Variants in SH3RF2 observed in about 807,000 individuals in gnomAD.
SH3RF2 encodes E3 ubiquitin-protein ligase SH3RF2.
Under a neutral mutation model 59.0 loss-of-function variants are expected in SH3RF2, and 43 were observed. That is an observed-to-expected ratio of 0.73 (90% confidence interval 0.57 to 0.94). The LOEUF is 0.94. SH3RF2 is among the 40% of genes least tolerant of loss of function. SH3RF2 has a pLI of 0.00. For synonymous variants in SH3RF2, 391 were observed against 391.5 expected (o/e 1.00, Z 0.01); for missense variants, 930 against 940.1 (o/e 0.99, Z 0.14).
At chr5:145,988,292 G>A (rs1759794990) in intron 2 of SH3RF2, among the ~76,000 whole-genome samples, 2 of 151,412 alleles carry the variant, frequency 1.3e-5, no homozygotes, top group African/African-American at 4.9e-5. Context: ...CCCACCATAA[G>A]TCACATTGTT....
intron 5 of SH3RF2, among the ~76,000 whole-genome samples, chr5:146,031,314 C>G (rs931838293): frequency 4.6e-5 from 7 of 152,168 alleles, no homozygotes. Flanking sequence ...CCAGTTGAGC[C>G]TGGCATGAAG....
intron 2 of SH3RF2, among the ~76,000 whole-genome samples, chr5:145,941,796 A>G (rs142954516): frequency 7.0e-4 from 107 of 152,290 alleles, no homozygotes; most frequent in African/African-American, 2.5e-3. Context: ...TAATGGTAGT[A>G]CCTACCTCAG....
intron 9 of SH3RF2, among the ~76,000 whole-genome samples, chr5:146,071,767 T>C (rs1347210343): frequency 6.6e-6 from 1 of 152,178 alleles, no homozygotes. Context: ...CTTGGAAAAG[T>C]GACACAACCC....
Position 145,980,780 on chromosome 5 carries a change from C to A in SH3RF2, c.379-19278C>A, listed in dbSNP as rs184893494. Among the ~76,000 whole-genome samples, 945 of 152,218 alleles carry A rather than the reference C, an allele frequency of 6.2e-3. 12 individuals carry two copies. Among genetic ancestry groups the A allele is most frequent in the Non-Finnish European group, 5.9e-3 (399 of 68,014 alleles). On this transcript the variant is annotated intron_variant, in intron 2 of 9. Transcript: ENST00000359120. ...TACTCTGATGATTTGATTTTTCAAA[C>A]TTATTATAAGTATTTCTAAATATAA... is the stretch of plus-strand genomic sequence containing the variant.
At chr5:145,998,922 A>C (rs955195860) in intron 2 of SH3RF2, among the ~76,000 whole-genome samples, 1 of 152,240 alleles carries the variant, frequency 6.6e-6, no homozygotes, top group Non-Finnish European at 1.5e-5. Context: ...AAAGAAAAGA[A>C]AACAAAAAAG....
chr5:146,067,731 G>C (rs1251055121), downstream of SH3RF2, among the ~76,000 whole-genome samples: 1 of 152,202 alleles, frequency 6.6e-6, no homozygotes, highest in African/African-American at 2.4e-5. Context: ...GTTGAAAGAG[G>C]TTTGTACTGA....
At chr5:146,015,342 C>T (rs541087232) in intron 5 of SH3RF2, among the ~76,000 whole-genome samples, 25 of 152,192 alleles carry the variant, frequency 1.6e-4, no homozygotes, top group African/African-American at 5.8e-4. Context: ...TCTCTTTCTC[C>T]TCCATTTCAC....
intron 2 of SH3RF2, among the ~76,000 whole-genome samples, chr5:145,994,716 G>A (rs1159669326): frequency 6.6e-6 from 1 of 152,148 alleles, no homozygotes; most frequent in Non-Finnish European, 1.5e-5. Flanking sequence ...TTCAAGTTGA[G>A]ATTTGGGTGG....
chr5:146,049,199 G>C lies in SH3RF2; in HGVS notation c.1276G>C (p.Gly426Arg). ...GCTCAGGGGCGTCTCCTTGGTCACC[G>C]GGCGAGTCGGCATCTTCCCAAACAA... is the stretch of plus-strand genomic sequence containing the variant. ...GWLRGVSLVT[G>R]RVGIFPNNYV... The change falls in exon 7 of 10, where the codon GGG becomes CGG. Residue 426 changes from glycine (G) to arginine (R), a missense_variant. By Grantham distance (125) the Gly-to-Arg change is moderately radical (BLOSUM62 -2). Transcript: ENST00000359120. The C allele has an allele frequency of 1.2e-6, 2 of 1,613,814 alleles. No homozygotes were observed. Among genetic ancestry groups the C allele is most frequent in the Non-Finnish European group, 1.7e-6 (2 of 1,179,896 alleles).
At chr5:145,980,206 A>T (rs1430602165) in intron 2 of SH3RF2, among the ~76,000 whole-genome samples, 1 of 152,170 alleles carries the variant, frequency 6.6e-6, no homozygotes, top group Non-Finnish European at 1.5e-5. Flanking sequence ...ATAGTAACAA[A>T]CGACAAGAGT....
At chr5:146,007,684 G>A (rs1189527485) in intron 4 of SH3RF2, among the ~76,000 whole-genome samples, 1 of 152,088 alleles carries the variant, frequency 6.6e-6, no homozygotes, top group African/African-American at 2.4e-5. Context: ...TTATTCATTT[G>A]GATACAGTTT....
At chr5:146,080,648 G>A (rs948365077) in exon 10 of SH3RF2, 6 of 152,134 alleles carry the variant, frequency 3.9e-5, no homozygotes, top group African/African-American at 1.4e-4. Flanking sequence ...AAGAGGTGTG[G>A]GGGCTTGTTT....
chr5:146,005,923 AG>A (rs910586110), intron 4 of SH3RF2, among the ~76,000 whole-genome samples: 2 of 151,506 alleles, frequency 1.3e-5, no homozygotes, highest in African/African-American at 4.9e-5. Context: ...CAGAGCTCCC[AG>A]GGGAAAAAAA....
intron 2 of SH3RF2, among the ~76,000 whole-genome samples, chr5:145,972,094 A>C (rs2149962546): frequency 6.6e-6 from 1 of 152,320 alleles, no homozygotes; most frequent in African/African-American, 2.4e-5. Flanking sequence ...TCTCTTCAAA[A>C]AATATGCTTC....
Position 146,077,648 on chromosome 5 carries a change from A to G in SH3RF2, c.*34-812A>G, listed in dbSNP as rs114860674. Reference sequence around the variant, plus strand: ...AATAAAATCATGTTGATATAGTACTATTAACTAGTCTACAGGTCTTATTCA... The same window carrying G: ...AATAAAATCATGTTGATATAGTACTGTTAACTAGTCTACAGGTCTTATTCA... On this transcript the variant is annotated intron_variant, in intron 9 of 9. Transcript: ENST00000511217. 5.8e-3 allele frequency among the ~76,000 whole-genome samples: 888 copies of G among 152,300 alleles called. 8 individuals carry two copies. Among genetic ancestry groups the G allele is most frequent in the African/African-American group, 0.02 (836 of 41,572 alleles).
intron 2 of SH3RF2, among the ~76,000 whole-genome samples, chr5:145,957,202 T>C (rs1434715105): frequency 1.3e-5 from 2 of 152,190 alleles, no homozygotes; most frequent in African/African-American, 4.8e-5. Context: ...GTTGTTACTT[T>C]CAACAGATAT....
chr5:145,984,425 G>A (rs557789905), intron 2 of SH3RF2, among the ~76,000 whole-genome samples: 23 of 152,292 alleles, frequency 1.5e-4, no homozygotes, highest in East Asian at 7.7e-4. Context: ...AAGACTCAGC[G>A]AACAATGCCA....
chr5:146,036,412 T>C (rs1438263053), intron 5 of SH3RF2, among the ~76,000 whole-genome samples: 1 of 152,166 alleles, frequency 6.6e-6, no homozygotes, highest in African/African-American at 2.4e-5. Context: ...TGTTTTTATA[T>C]GGCCAGGCAT....
chr5:146,041,775 C>CA (rs937760379), intron 5 of SH3RF2, among the ~76,000 whole-genome samples: 2 of 152,026 alleles, frequency 1.3e-5, no homozygotes, highest in South Asian at 2.1e-4. Flanking sequence ...ACAAAAAATA[C>CA]AAAAAACTGT....
Sources: gnomAD v4.1 joint callset for allele counts (sites outside exome capture counted in the v4.1 genomes callset) on GRCh38, gnomAD v4.1.1 for gene constraint, MANE v1.5 for transcripts, NCBI Gene and HGNC (gene_info 2026-07-23, HGNC 2026-07-21) for gene names.